The following RBMS3 variants were observed in gnomAD, a reference collection of about 807,000 sequenced individuals.
RBMS3 encodes RNA-binding motif, single-stranded-interacting protein 3.
In RBMS3, 27 loss-of-function variants were observed where a neutral mutation model predicts 66.8. The ratio of observed to expected loss-of-function variants is 0.40; its 90% CI spans 0.30 to 0.56. The LOEUF is 0.56. Ranked by LOEUF, RBMS3 falls within the 20% of genes least tolerant of loss-of-function variation. RBMS3 has a pLI of 0.40. For synonymous variants in RBMS3, 188 were observed against 183.0 expected, an observed-to-expected ratio of 1.03 and a Z score of -0.22; for missense variants, 513 against 549.5, an observed-to-expected ratio of 0.93 and a Z score of 0.66.
chr3:29,748,585 G>A (rs2055031439), intron 5 of RBMS3, among the ~76,000 whole-genome samples: 1 of 152,154 alleles, frequency 6.6e-6, no homozygotes, highest in Non-Finnish European at 1.5e-5. Context: ...TAATGGTAGA[G>A]GCAGCTAATT....
intron 1 of RBMS3, among the ~76,000 whole-genome samples, chr3:29,404,204 A>T (rs945475450): frequency 6.6e-6 from 1 of 152,142 alleles, no homozygotes; most frequent in Non-Finnish European, 1.5e-5. Context: ...CTCAGTTTCT[A>T]TAATTGATCT....
chr3:29,284,693 A>G (rs1254594349), intron 1 of RBMS3, among the ~76,000 whole-genome samples: 1 of 151,966 alleles, frequency 6.6e-6, no homozygotes, highest in Non-Finnish European at 1.5e-5. Context: ...AATTTTTCAA[A>G]TCCTTAAAAT....
intron 8 of RBMS3, among the ~76,000 whole-genome samples, chr3:29,886,598 T>C (rs923230301): frequency 1.3e-5 from 2 of 151,870 alleles, no homozygotes; most frequent in African/African-American, 4.8e-5. Context: ...TTTACTGGGG[T>C]GAAAGTTTCT....
intron 10 of RBMS3, among the ~76,000 whole-genome samples, chr3:29,917,829 A>G (rs985511509): frequency 1.3e-5 from 2 of 152,120 alleles, no homozygotes; most frequent in African/African-American, 4.8e-5. Context: ...ACGTTTGTGA[A>G]CCTTCTAGAA....
chr3:29,523,987 T>C (rs1265360710), intron 3 of RBMS3, among the ~76,000 whole-genome samples: 1 of 152,108 alleles, frequency 6.6e-6, no homozygotes, highest in Non-Finnish European at 1.5e-5. Context: ...TCCTTCTAGC[T>C]CAGCCTCCCA....
chr3:29,505,641 A>G (rs529790950), intron 3 of RBMS3, among the ~76,000 whole-genome samples: 1 of 151,906 alleles, frequency 6.6e-6, no homozygotes, highest in Middle Eastern at 3.4e-3. Context: ...TTTTATATCA[A>G]TCACATTTAA....
intron 6 of RBMS3, among the ~76,000 whole-genome samples, chr3:29,835,838 C>CT (rs979259507): frequency 2.2e-4 from 34 of 151,520 alleles, no homozygotes; most frequent in Non-Finnish European, 4.1e-4. Flanking sequence ...CTAAGAATTA[C>CT]TTTTTTTTAA....
chr3:29,391,916 T>C (rs866205536), intron 1 of RBMS3, among the ~76,000 whole-genome samples: 1 of 152,144 alleles, frequency 6.6e-6, no homozygotes, highest in Admixed American at 6.5e-5. Context: ...ATTTTTAACA[T>C]AATAGAGGAA....
At chr3:29,406,313 A>C (rs1328134654) in intron 1 of RBMS3, among the ~76,000 whole-genome samples, 1 of 152,208 alleles carries the variant, frequency 6.6e-6, no homozygotes, top group East Asian at 1.9e-4. Context: ...GAAAGAAACA[A>C]ATTACACGGT....
At chr3:29,364,370 A>T (rs2037779645) in intron 1 of RBMS3, among the ~76,000 whole-genome samples, 1 of 152,332 alleles carries the variant, frequency 6.6e-6, no homozygotes, top group African/African-American at 2.4e-5. Flanking sequence ...TAATTGTGGC[A>T]GACCGTGACT....
At chr3:29,530,486 T>G (rs1041046683) in intron 3 of RBMS3, among the ~76,000 whole-genome samples, 2 of 152,006 alleles carry the variant, frequency 1.3e-5, no homozygotes, top group Non-Finnish European at 2.9e-5. Context: ...TAAAGTGAAA[T>G]GAAAATGTTT....
At chr3:29,910,277 C>T (rs1236247697) in intron 10 of RBMS3, among the ~76,000 whole-genome samples, 4 of 151,876 alleles carry the variant, frequency 2.6e-5, no homozygotes, top group Admixed American at 1.3e-4. Flanking sequence ...TAAATGTTAC[C>T]AGGGTAACAG....
At chr3:29,355,944 C>T (rs1350004443) in intron 1 of RBMS3, among the ~76,000 whole-genome samples, 2 of 152,132 alleles carry the variant, frequency 1.3e-5, no homozygotes, top group African/African-American at 4.8e-5. Flanking sequence ...AGTGAATCTT[C>T]CCTAGTCACC....
intron 3 of RBMS3, among the ~76,000 whole-genome samples, chr3:29,554,295 T>G (rs1428532910): frequency 6.6e-6 from 1 of 152,226 alleles, no homozygotes; most frequent in Non-Finnish European, 1.5e-5. Context: ...GCTTAACTAT[T>G]CTCTTAGCCT....
intron 1 of RBMS3, among the ~76,000 whole-genome samples, chr3:29,394,114 C>G (rs142904468): frequency 2.3e-4 from 35 of 152,250 alleles, no homozygotes; most frequent in African/African-American, 7.9e-4. Context: ...GGGTGTATTT[C>G]ATCCCTTATC....
In RBMS3 at chr3:29,352,558, A is replaced by G. The variant is rs143560915; in HGVS notation, c.75+70802A>G. Among the ~76,000 whole-genome samples the G allele has an allele frequency of 4.8e-3, 738 of 152,226 alleles. 7 individuals carry two copies. Among genetic ancestry groups the G allele is most frequent in the African/African-American group, 0.016 (670 of 41,574 alleles). On this transcript the variant is annotated intron_variant, in intron 1 of 14. Coordinates refer to ENST00000383767, the MANE Select transcript of RBMS3 (RefSeq NM_001003793.3). ...TCAAATCAAGGTATTTGAGGTATCC[A>G]TCACTTTGGGTATTTATCATTGCTA...
chr3:29,554,058 A>G (rs1247249385), intron 3 of RBMS3, among the ~76,000 whole-genome samples: 1 of 152,154 alleles, frequency 6.6e-6, no homozygotes, highest in Non-Finnish European at 1.5e-5. Flanking sequence ...TTTAAATGAA[A>G]CTTCATTATT....
intron 3 of RBMS3, among the ~76,000 whole-genome samples, chr3:29,580,064 A>G (rs1217905136): frequency 6.6e-6 from 1 of 152,210 alleles, no homozygotes; most frequent in East Asian, 1.9e-4. Context: ...ATGGAATGAG[A>G]AAGTGTTCCA....
intron 1 of RBMS3, among the ~76,000 whole-genome samples, chr3:29,415,581 T>C (rs1255039167): frequency 6.6e-6 from 1 of 152,088 alleles, no homozygotes; most frequent in African/African-American, 2.4e-5. Context: ...TAAGGCTGCA[T>C]GTGGGATAGA....
Sources: allele counts gnomAD v4.1 joint callset (sites outside exome capture counted in the v4.1 genomes callset), GRCh38; gene constraint gnomAD v4.1.1; transcripts MANE v1.5; gene names NCBI Gene and HGNC (gene_info 2026-07-23, HGNC 2026-07-21).